Variants in CARS2 observed in about 807,000 individuals in gnomAD.
CARS2 encodes cysteinyl-tRNA synthetase 2, mitochondrial.
In CARS2, 52 loss-of-function variants were observed where a neutral mutation model predicts 68.8. The ratio of observed to expected loss-of-function variants is 0.76; its 90% CI spans 0.61 to 0.95. The LOEUF (loss-of-function observed/expected upper bound fraction) is 0.95. Ranked by LOEUF, CARS2 falls within the 40% of genes least tolerant of loss-of-function variation. The probability of loss-of-function intolerance (pLI) is 0.00; values close to 1 mark genes in which losing one functional copy is unlikely to be tolerated. For synonymous variants in CARS2, 314 were observed against 303.6 expected, an observed-to-expected ratio of 1.03 and a Z score of -0.36; for missense variants, 780 against 754.2, an observed-to-expected ratio of 1.03 and a Z score of -0.40.
chr13:110,709,075 C>G (rs2064005515), upstream of CARS2, among the ~76,000 whole-genome samples: 1 of 145,736 alleles, frequency 6.9e-6, no homozygotes, highest in Non-Finnish European at 1.5e-5. Context: ...TCTCTTTTCT[C>G]TTTTTTCTTT....
At chr13:110,648,242 C>A (rs948144929) in intron 10 of CARS2, 1 of 152,126 alleles carries the variant, frequency 6.6e-6, no homozygotes, top group Non-Finnish European at 1.5e-5. Context: ...ACCCACAAAG[C>A]GATCTGACAA....
At position 110,665,918 on chromosome 13, in the gene CARS2, T is replaced by A. The variant is rs960379156; in HGVS notation, c.919+1422A>T. 1.0e-6 allele frequency: 1 copy of A among 985,380 alleles called. No homozygotes were observed. Among genetic ancestry groups the A allele is most frequent in the East Asian group, 1.1e-4 (1 of 8,814 alleles). The allele number at this position is 985,380 out of a possible 1,614,324, so 61.0% of individuals were successfully genotyped here. A position where few individuals can be genotyped will look rare whatever the true frequency, so the allele number is the denominator to read the frequency against. On this transcript the variant is annotated intron_variant, in intron 8 of 14. Transcript: ENST00000257347. This position sits in a 1 kb window ranked among gnomAD's most constrained non-coding sequence, Gnocchi z 4.3. ...AACTAGTATTTGTTAATTTCCTGTA[T>A]TTCAGATGTCAAAGTTTGCATCTCC...
At chr13:110,663,414 T>C in intron 9 of CARS2, 37 bp downstream of exon 9, 1 of 1,594,808 alleles carries the variant, frequency 6.3e-7, no homozygotes, top group Non-Finnish European at 8.5e-7. Flanking sequence ...CCACAAGCTA[T>C]CGGCACCTCA....
At chr13:110,642,636 T>G in intron 13 of CARS2, 115 bp from the exon 14 acceptor site, 10 of 987,670 alleles carry the variant, frequency 1.0e-5, no homozygotes, top group Non-Finnish European at 1.3e-5. Flanking sequence ...GCTTCCCTGA[T>G]TCCCTGCAGC....
At chr13:110,660,751 C>T (rs930267510) in intron 9 of CARS2, among the ~76,000 whole-genome samples, 3 of 143,268 alleles carry the variant, frequency 2.1e-5, no homozygotes, top group African/African-American at 7.8e-5. Context: ...GGAGAGTACA[C>T]TTAGCATAAT....
At position 110,653,055 on chromosome 13, in the gene CARS2, C is replaced by A. The variant is rs1253097002; in HGVS notation, c.988-1955G>T. On this transcript the variant is annotated intron_variant, in intron 9 of 14. Coordinates refer to ENST00000257347, the MANE Select transcript of CARS2 (RefSeq NM_024537.4). This position sits in a 1 kb window ranked among gnomAD's most constrained non-coding sequence, Gnocchi z 5.6. ...GAGCTAACCGCTGAGTCAAGCAGAG[C>A]CCCCGCTCCTCTACTTCAGTATCAT... 2.6e-5 allele frequency among the ~76,000 whole-genome samples: 4 copies of A among 152,112 alleles called. No homozygotes were observed. The highest frequency in any genetic ancestry group is 2.6e-4 in the Admixed American group (4 of 15,274).
chr13:110,663,158 C>T (rs1462676687), intron 9 of CARS2: 14 of 549,370 alleles, frequency 2.5e-5, no homozygotes, highest in Admixed American at 4.7e-5. Context: ...AGGGAGACAA[C>T]AATTATAAAA....
chr13:110,700,475 G>T (rs2063752477), intron 3 of CARS2, among the ~76,000 whole-genome samples: 1 of 152,222 alleles, frequency 6.6e-6, no homozygotes, highest in Non-Finnish European at 1.5e-5. Flanking sequence ...GGTGGGAAAA[G>T]TCTAGAACAG....
chr13:110,704,475 A>C (rs1322934897), intron 2 of CARS2, among the ~76,000 whole-genome samples: 1 of 152,214 alleles, frequency 6.6e-6, no homozygotes, highest in East Asian at 1.9e-4. Flanking sequence ...TGTAATCCCA[A>C]CACTTTGGGA....
Position 110,662,349 on chromosome 13 carries a change from T to A in CARS2, c.987+1102A>T, listed in dbSNP as rs2986104. The stretch of plus-strand genomic sequence containing the variant: ...CCCCCTTCTGCGTCATGCAACCCCA[T>A]GGCCAGGCTCCGACCCCACTGCATA... On this transcript the variant is annotated intron_variant, in intron 9 of 14. Coordinates refer to ENST00000257347, the MANE Select transcript of CARS2 (RefSeq NM_024537.4). Among the ~76,000 whole-genome samples the A allele has an allele frequency of 3.3e-4, 49 of 149,722 alleles. 1 individual carries two copies. Among genetic ancestry groups the A allele is most frequent in the Admixed American group, 2.8e-3 (42 of 15,082 alleles).
intron 9 of CARS2, among the ~76,000 whole-genome samples, chr13:110,652,981 C>T (rs1406761238): frequency 2.0e-5 from 3 of 152,338 alleles, no homozygotes; most frequent in African/African-American, 7.2e-5. Flanking sequence ...TGACATCACA[C>T]ACCACAACTC....
At chr13:110,680,472 T>C (rs182579527) in intron 6 of CARS2, among the ~76,000 whole-genome samples, 1 of 152,320 alleles carries the variant, frequency 6.6e-6, no homozygotes, top group Admixed American at 6.5e-5. Context: ...ATGCCACCTC[T>C]TTTTGCAGTG....
chr13:110,665,736 A>G lies in CARS2; in HGVS notation c.919+1604T>C. ...GAGCGCTGAACTGAGCCCTGAACGA[A>G]GTCAACGAGGAAGTGACTTCGGGGC... On this transcript the variant is annotated intron_variant, in intron 8 of 14. Transcript: ENST00000257347. This position sits in a 1 kb window ranked among gnomAD's most constrained non-coding sequence, Gnocchi z 4.3. The G allele has an allele frequency of 1.0e-6, 1 of 985,418 alleles. No homozygotes were observed. The highest frequency in any genetic ancestry group is 1.2e-6 in the Non-Finnish European group (1 of 829,916). The allele number at this position is 985,418 out of a possible 1,614,324, so 61.0% of individuals were successfully genotyped here. A position where few individuals can be genotyped will look rare whatever the true frequency, so the allele number is the denominator to read the frequency against.
chr13:110,663,250 C>G (rs1201353214), intron 9 of CARS2, among the ~76,000 whole-genome samples: 1 of 152,042 alleles, frequency 6.6e-6, no homozygotes, highest in Non-Finnish European at 1.5e-5. Flanking sequence ...CTGCGGAAAC[C>G]TGCGGGAGGC....
chr13:110,679,599 G>GAAAGAAAGAAAGAAAGAAAGAA (rs1212774128), intron 6 of CARS2, among the ~76,000 whole-genome samples: 596 of 40,032 alleles, frequency 0.015, 5 homozygotes, highest in Middle Eastern at 0.032. Context: ...AAGAAAGAAA[G>GAAAGAAAGAAAGAAAGAAAGAA]AGAGAGAGAG....
At chr13:110,649,034 C>T (rs968609936) in intron 10 of CARS2, 2 of 152,278 alleles carry the variant, frequency 1.3e-5, no homozygotes, top group African/African-American at 4.8e-5. Context: ...ATCTCCGCCG[C>T]CTCTGCCCGT....
At chr13:110,694,118 C>T (rs1356185107) in intron 3 of CARS2, among the ~76,000 whole-genome samples, 1 of 151,940 alleles carries the variant, frequency 6.6e-6, no homozygotes, top group Non-Finnish European at 1.5e-5. Context: ...ACCTCTGCCT[C>T]CCAGGTTTAA....
At chr13:110,664,389 G>T in intron 8 of CARS2, 2 of 256,696 alleles carry the variant, frequency 7.8e-6, no homozygotes, top group Non-Finnish European at 1.2e-5. Flanking sequence ...CACACCTGCA[G>T]TCCCAACATC....
chr13:110,682,723 G>A (rs915206842), intron 6 of CARS2, among the ~76,000 whole-genome samples: 6 of 152,124 alleles, frequency 3.9e-5, no homozygotes, highest in African/African-American at 1.2e-4. Context: ...ACAGAAGAAC[G>A]CGAAAATATG....
Sources: allele counts gnomAD v4.1 joint callset (sites outside exome capture counted in the v4.1 genomes callset), GRCh38; gene constraint gnomAD v4.1.1; non-coding constraint Gnocchi (gnomAD v3.1); transcripts MANE v1.5; gene names NCBI Gene and HGNC (gene_info 2026-07-23, HGNC 2026-07-21).